The following MICAL3 variants were observed in gnomAD, a reference collection of about 807,000 sequenced individuals.
MICAL3 encodes [F-actin]-monooxygenase MICAL3.
Under a neutral mutation model 207.4 loss-of-function variants are expected in MICAL3, and 62 were observed. The ratio of observed to expected loss-of-function variants is 0.30; its 90% confidence interval spans 0.24 to 0.37. The LOEUF is 0.37. Among genes scored for constraint, MICAL3 ranks in the 10% least tolerant of loss-of-function variants. The pLI is 1.00. For synonymous variants in MICAL3, 1,077 were observed against 1,069.3 expected, an observed-to-expected ratio of 1.01 and a Z score of -0.14; for missense variants, 2,368 against 2,635.6, an observed-to-expected ratio of 0.90 and a Z score of 2.22.
intron 29 of MICAL3, among the ~76,000 whole-genome samples, chr22:17,799,439 T>A (rs1189338293): frequency 6.6e-6 from 1 of 152,204 alleles, no homozygotes; most frequent in Non-Finnish European, 1.5e-5. Context: ...GCGGCTCAGG[T>A]TTACGGAGTG....
chr22:17,876,823 AGGTTATGGAGGTTAG>A (rs1928495216), intron 16 of MICAL3: 12 of 115,752 alleles, frequency 1.0e-4, no homozygotes, highest in African/African-American at 2.7e-4. Flanking sequence ...GAGGTTAGGG[AGGTTATGGAGGTTAG>A]GGAGGTTAGG....
At chr22:17,811,833 C>T (rs1009187402) in intron 27 of MICAL3, among the ~76,000 whole-genome samples, 1 of 152,220 alleles carries the variant, frequency 6.6e-6, no homozygotes, top group Non-Finnish European at 1.5e-5. Flanking sequence ...CAGCTTCAAA[C>T]TCCTGGACTC....
chr22:17,806,711 T>G (rs1019389445), intron 29 of MICAL3, among the ~76,000 whole-genome samples: 3 of 152,224 alleles, frequency 2.0e-5, no homozygotes, highest in African/African-American at 7.2e-5. Flanking sequence ...AGAGTAATTC[T>G]TTTTGATTTT....
Position 17,896,330 on chromosome 22 carries a change from C to T in MICAL3, c.1238G>A (p.Arg413Gln). The T allele has an allele frequency of 1.3e-6, 2 of 1,558,322 alleles. No individual in the cohort carries two copies. The highest frequency in any genetic ancestry group is 1.7e-6 in the Non-Finnish European group (2 of 1,150,468). Residue 413 changes from arginine to glutamine, a missense_variant, in exon 9 of 32, where the codon CGG (arginine) becomes CAG (glutamine). Around this residue, in one of 4 missense-constraint regions of MICAL3, gnomAD observed 400 missense variants for 547.0 expected, o/e 0.73. Coordinates refer to ENST00000441493, the MANE Select transcript of MICAL3 (RefSeq NM_015241.3). The stretch of plus-strand genomic sequence containing the variant: ...AGAGTCCATAGCAGCTAGAAAGCCC[C>T]GGGCTATTCCTGTTCCCATTGGCCA... ...PFWPMGTGIA[R>Q]GFLAAMDSAW...
chr22:17,809,656 T>C (rs191470740), intron 28 of MICAL3, among the ~76,000 whole-genome samples: 188 of 138,414 alleles, frequency 1.4e-3, no homozygotes, highest in Middle Eastern at 3.7e-3. Flanking sequence ...AACAAAACAA[T>C]AGAAATCTAC....
chr22:17,819,835 C>T lies in MICAL3; in HGVS notation c.3532-706G>A, dbSNP rs184254947. On this transcript the variant is annotated intron_variant, in intron 25 of 31. Transcript: ENST00000441493. ...GTGGGTGCCTACAGTCCCAGCTACT[C>T]GGGAGGCTGAGGCAGAAGAATGGCG... 1.6e-3 allele frequency among the ~76,000 whole-genome samples: 243 copies of T among 148,812 alleles called. 2 individuals are homozygous for T. The Middle Eastern group carries it at 0.029, about 17-fold the overall frequency.
intron 1 of MICAL3, among the ~76,000 whole-genome samples, chr22:17,960,361 T>C (rs1366242586): frequency 6.6e-6 from 1 of 152,226 alleles, no homozygotes; most frequent in East Asian, 1.9e-4. Flanking sequence ...ACATAATGGA[T>C]GCAGAATAAA....
intron 1 of MICAL3, among the ~76,000 whole-genome samples, chr22:17,997,050 CTT>C (rs71716810): frequency 2.8e-4 from 21 of 75,544 alleles, no homozygotes; most frequent in African/African-American, 1.0e-3. Context: ...CCCATCTAGT[CTT>C]TTTTTTTTTT....
chr22:17,812,055 A>G (rs747067697), intron 27 of MICAL3, among the ~76,000 whole-genome samples: 3 of 152,178 alleles, frequency 2.0e-5, no homozygotes, highest in Non-Finnish European at 4.4e-5. Context: ...GGCCAACAAG[A>G]AAACTTTTAT....
chr22:17,793,128 G>A lies in MICAL3; in HGVS notation c.5651-1827C>T, dbSNP rs1313592827. On this transcript the variant is annotated intron_variant, in intron 29 of 31. Transcript: ENST00000441493. This position sits in a 1 kb window ranked among gnomAD's most constrained non-coding sequence, Gnocchi z 4.1. ...CCGCCAGGCAGGGGCTGTGGTGTGT[G>A]AGCGAGAGTCGGGTGAGCGCTGTGG... Among the ~76,000 whole-genome samples the A allele has an allele frequency of 6.6e-6, 1 of 152,234 alleles. No individual in the cohort carries two copies. Among genetic ancestry groups the A allele is most frequent in the Non-Finnish European group, 1.5e-5 (1 of 68,040 alleles).
intron 21 of MICAL3, among the ~76,000 whole-genome samples, 153 bp from the exon 22 acceptor site, chr22:17,827,934 T>TACACACACACAC (rs60820224): frequency 2.4e-4 from 36 of 150,810 alleles, no homozygotes; most frequent in African/African-American, 8.0e-4. Flanking sequence ...TGCACATGTA[T>TACACACACACAC]ACACACACAC....
rs552074680 is a variant in MICAL3 at position 17,841,048 on chromosome 22, A to C, written c.2801+774T>G. On this transcript the variant is annotated intron_variant, in intron 20 of 31. Coordinates refer to ENST00000441493, the MANE Select transcript of MICAL3 (RefSeq NM_015241.3). The surrounding 1 kb of genome is among the most constrained non-coding windows in gnomAD (Gnocchi z 4.2). ...CTCCTTATCCCCACATGTTCCCTTC[A>C]TCATGGCTAAATCAAGGTGTGTGAT... The C allele has an allele frequency of 1.3e-5, 2 of 152,414 alleles. No homozygotes were observed. Among genetic ancestry groups the C allele is most frequent in the Admixed American group, 1.3e-4 (2 of 15,304 alleles). 9.4% of individuals were successfully genotyped at this position (152,414 alleles called of 1,614,324 possible).
At chr22:18,013,072 T>C (rs965583622) in intron 1 of MICAL3, among the ~76,000 whole-genome samples, 1 of 152,186 alleles carries the variant, frequency 6.6e-6, no homozygotes, top group Non-Finnish European at 1.5e-5. Flanking sequence ...CTGACCTCTC[T>C]TCCTGGAAGT....
At chr22:17,874,770 C>G (rs922329984) in intron 16 of MICAL3, among the ~76,000 whole-genome samples, 1 of 152,068 alleles carries the variant, frequency 6.6e-6, no homozygotes, top group Non-Finnish European at 1.5e-5. Flanking sequence ...ATGGGAAATA[C>G]CAGTAGGAGC....
intron 20 of MICAL3, among the ~76,000 whole-genome samples, chr22:17,832,811 G>C (rs183643880): frequency 6.6e-5 from 10 of 152,258 alleles, no homozygotes; most frequent in African/African-American, 2.2e-4. Context: ...TGCTGGGGTG[G>C]GGCGACAGAT....
chr22:17,871,699 G>T, intron 17 of MICAL3, 138 bp downstream of exon 17: 1 of 712,362 alleles, frequency 1.4e-6, no homozygotes, highest in Non-Finnish European at 2.3e-6. Context: ...AGGGAGAGGG[G>T]CAAGAAAGGC....
At chr22:17,867,620 A>C (rs112697527) in intron 17 of MICAL3, among the ~76,000 whole-genome samples, 126 of 151,782 alleles carry the variant, frequency 8.3e-4, no homozygotes, top group African/African-American at 3.0e-3. Context: ...TCGGCAACTC[A>C]CTCCCTCCAC....
At chr22:17,940,598 A>G (rs1933763089) in intron 1 of MICAL3, among the ~76,000 whole-genome samples, 1 of 152,198 alleles carries the variant, frequency 6.6e-6, no homozygotes, top group African/African-American at 2.4e-5. Context: ...TTTGACAGTA[A>G]AAGAATAAAA....
In MICAL3 at chr22:17,895,255, A is replaced by C. The variant is rs1482293293; in HGVS notation, c.1449+29T>G. ...TCTCATTGGTCCTGCAGATGGGCCC[A>C]GATGTAAATACTGACAAGAAGGTCT... On this transcript the variant is annotated intron_variant, in intron 10 of 31. Transcript: ENST00000441493. 4 of 1,610,640 alleles carry C rather than the reference A, an allele frequency of 2.5e-6. No homozygotes were observed. In the African/African-American group the frequency reaches 5.3e-5, roughly 22 times the overall value.
Sources: gnomAD v4.1 joint callset for allele counts (sites outside exome capture counted in the v4.1 genomes callset) on GRCh38, gnomAD v4.1.1 for gene constraint, gnomAD v4.1.1 regional missense constraint, Gnocchi (gnomAD v3.1) non-coding constraint, MANE v1.5 for transcripts, NCBI Gene and HGNC (gene_info 2026-07-23, HGNC 2026-07-21) for gene names.